The following MTMR8 variants were observed in gnomAD, a reference collection of about 807,000 sequenced individuals.
The protein encoded by MTMR8 is phosphatidylinositol-3,5-bisphosphate 3-phosphatase MTMR8.
Under a neutral mutation model 39.3 loss-of-function variants are expected in MTMR8, and 65 were observed. The observed-to-expected ratio is 1.65, with a 90% CI of 1.35 to 2.03. MTMR8 has a LOEUF of 2.03. MTMR8 is among the 30% of genes most tolerant of loss of function. The pLI is 0.00. For missense variants in MTMR8, 777 were observed against 538.9 expected, an observed-to-expected ratio of 1.44 and a Z score of -4.37; for synonymous variants, 245 against 185.2, an observed-to-expected ratio of 1.32 and a Z score of -2.62.
intron 12 of MTMR8, among the ~76,000 whole-genome samples, chrX:64,298,980 C>T (rs1921733203): frequency 1.4e-5 from 1 of 71,556 alleles, no homozygotes; most frequent in Admixed American, 1.6e-4. Context: ...ATTCGGTTTG[C>T]CAGTATTTTA....
At chrX:64,381,497 G>C (rs777630936) in intron 1 of MTMR8, among the ~76,000 whole-genome samples, 1 of 106,512 alleles carries the variant, frequency 9.4e-6, no homozygotes, top group Non-Finnish European at 1.9e-5. Context: ...GTAGATTCTG[G>C]ATATTAGCCT....
chrX:64,279,261 C>T (rs774211132), intron 12 of MTMR8, among the ~76,000 whole-genome samples: 1 of 111,990 alleles, frequency 8.9e-6, no homozygotes, highest in Non-Finnish European at 1.9e-5. Context: ...GCCAGAGTTA[C>T]CCTTATACCA....
At chrX:64,334,197 C>T (rs1347373756) in intron 10 of MTMR8, among the ~76,000 whole-genome samples, 1 of 110,634 alleles carries the variant, frequency 9.0e-6, no homozygotes, top group African/African-American at 3.3e-5. Context: ...CCTGGATGCC[C>T]TATGCCAAAT....
At chrX:64,328,689 G>C in intron 12 of MTMR8, 83 bp downstream of exon 12, 1 of 952,953 alleles carries the variant, frequency 1.0e-6, no homozygotes, top group Non-Finnish European at 1.4e-6. Context: ...TTGTACAGAT[G>C]GTGGCAGCTA....
chrX:64,389,099 A>C (rs766949403), intron 1 of MTMR8, among the ~76,000 whole-genome samples: 5 of 112,045 alleles, frequency 4.5e-5, no homozygotes, highest in African/African-American at 1.6e-4. Flanking sequence ...AATGAAGATA[A>C]TAGTATTGTT....
chrX:64,364,661 C>G (rs181785334), intron 1 of MTMR8, among the ~76,000 whole-genome samples: 2 of 111,720 alleles, frequency 1.8e-5, no homozygotes, highest in Admixed American at 9.5e-5. Flanking sequence ...GGGGAGAAAC[C>G]AGAGCAGAAA....
chrX:64,268,886 G>T lies in MTMR8; in HGVS notation c.1766C>A (p.Ser589Tyr), dbSNP rs745383604. 4 of 1,209,689 alleles carry T rather than the reference G, an allele frequency of 3.3e-6. No individual in the cohort carries two copies. In the African/African-American group the frequency reaches 7.0e-5, roughly 21 times the overall value. The change falls in exon 14 of 14, where the codon TCC becomes TAC. Residue 589 changes from serine to tyrosine, a missense_variant. Physicochemically the swap from Ser to Tyr is moderately radical, Grantham distance 144. Coordinates refer to ENST00000374852, the MANE Select transcript of MTMR8 (RefSeq NM_017677.4). ...CTGAGCTCGGAGGCCTCCTTCCCTG[G>T]ATAGGGTGCCATTCTCCATCAGGGT... ...LNTLMENGTL[S>Y]REGGLRAQMD...
At chrX:64,363,189 T>A (rs1009484665) in intron 1 of MTMR8, among the ~76,000 whole-genome samples, 1 of 111,357 alleles carries the variant, frequency 9.0e-6, no homozygotes, top group Non-Finnish European at 1.9e-5. Context: ...TAAAAAAAAA[T>A]GTATTTCCTA....
intron 1 of MTMR8, among the ~76,000 whole-genome samples, chrX:64,369,068 C>A (rs1348995417): frequency 8.9e-6 from 1 of 111,886 alleles, no homozygotes; most frequent in Non-Finnish European, 1.9e-5. Flanking sequence ...AATGAGATAC[C>A]ATCTCACACC....
intron 1 of MTMR8, among the ~76,000 whole-genome samples, chrX:64,394,547 T>G (rs748887416): frequency 9.0e-6 from 1 of 111,462 alleles, no homozygotes; most frequent in Admixed American, 9.6e-5. Flanking sequence ...TAGTTGTGAA[T>G]TTTTCACTGT....
At chrX:64,289,781 T>C (rs776733920) in intron 12 of MTMR8, among the ~76,000 whole-genome samples, 1 of 110,234 alleles carries the variant, frequency 9.1e-6, no homozygotes, top group East Asian at 2.9e-4. Context: ...AAAAACAATA[T>C]GGTATATACA....
chrX:64,322,394 T>C (rs1922675229), intron 12 of MTMR8, among the ~76,000 whole-genome samples: 2 of 111,768 alleles, frequency 1.8e-5, no homozygotes, highest in African/African-American at 6.5e-5. Flanking sequence ...TCTCTGGTTT[T>C]TGTATTAGAG....
At chrX:64,388,542 T>C (rs758151063) in intron 1 of MTMR8, among the ~76,000 whole-genome samples, 1 of 112,527 alleles carries the variant, frequency 8.9e-6, no homozygotes, top group Admixed American at 9.4e-5. Flanking sequence ...TACTTCTCCA[T>C]GTGCCTCCAA....
At chrX:64,296,958 ATTTTCT>A (rs1921624905) in intron 12 of MTMR8, among the ~76,000 whole-genome samples, 1 of 102,172 alleles carries the variant, frequency 9.8e-6, no homozygotes, top group South Asian at 4.8e-4. Flanking sequence ...TATGTGCCAC[ATTTTCT>A]TAATCCAGTC....
chrX:64,283,051 G>T (rs1921016546), intron 12 of MTMR8, among the ~76,000 whole-genome samples: 1 of 112,083 alleles, frequency 8.9e-6, no homozygotes, highest in Admixed American at 9.4e-5. Flanking sequence ...GAAGCGCAAG[G>T]GGTCAGGGAA....
chrX:64,317,499 T>C (rs972770068), intron 12 of MTMR8, among the ~76,000 whole-genome samples: 14 of 112,148 alleles, frequency 1.2e-4, no homozygotes, highest in Non-Finnish European at 1.7e-4. Flanking sequence ...CATTTAGTTT[T>C]CTTCATTTCT....
chrX:64,364,743 A>G (rs1923897354), intron 1 of MTMR8, among the ~76,000 whole-genome samples: 1 of 112,058 alleles, frequency 8.9e-6, no homozygotes, highest in African/African-American at 3.2e-5. Flanking sequence ...GCAACGGAAC[A>G]AAGCTAGATG....
chrX:64,388,276 G>T (rs1201839042), intron 1 of MTMR8, among the ~76,000 whole-genome samples: 1 of 111,968 alleles, frequency 8.9e-6, no homozygotes, highest in East Asian at 2.8e-4. Context: ...TGCCCCTTGT[G>T]TCATTGCCCC....
intron 4 of MTMR8, among the ~76,000 whole-genome samples, chrX:64,354,497 G>A (rs927479498): frequency 1.2e-4 from 13 of 111,092 alleles, no homozygotes; most frequent in African/African-American, 4.3e-4. Context: ...CCTTCACAAG[G>A]CTACTCTGCA....
Sources: allele counts gnomAD v4.1 joint callset (sites outside exome capture counted in the v4.1 genomes callset), GRCh38; gene constraint gnomAD v4.1.1; transcripts MANE v1.5; gene names NCBI Gene and HGNC (gene_info 2026-07-23, HGNC 2026-07-21).